The following H1-8 variants were observed in gnomAD, a reference collection of about 807,000 sequenced individuals.
The protein encoded by H1-8 is H1.8 linker histone, also known as histone H1.8.
In H1-8, 13 loss-of-function variants were observed where a neutral mutation model predicts 19.5. That is an observed-to-expected ratio of 0.67 (90% CI 0.43 to 1.06). H1-8 has a LOEUF of 1.06. Ranked by LOEUF, H1-8 falls within the 50% of genes least tolerant of loss-of-function variation. The probability of loss-of-function intolerance (pLI) is 0.00; values close to 1 mark genes in which losing one functional copy is unlikely to be tolerated. For missense variants in H1-8, 432 were observed against 459.8 expected (o/e 0.94, Z 0.55); for synonymous variants, 193 against 187.6 (o/e 1.03, Z -0.24).
At chr3:129,545,775 G>C (rs1301960663) in intron 1 of H1-8, among the ~76,000 whole-genome samples, 1 of 152,108 alleles carries the variant, frequency 6.6e-6, no homozygotes, top group Non-Finnish European at 1.5e-5. Context: ...TTGTATGGCT[G>C]GATAATATTC....
chr3:129,546,447 C>G (rs2084889435), intron 1 of H1-8, among the ~76,000 whole-genome samples: 2 of 152,244 alleles, frequency 1.3e-5, no homozygotes, highest in South Asian at 4.1e-4. Context: ...ACTCTTGTTT[C>G]ATCTGCTGGG....
chr3:129,543,996 G>A (rs931575154), intron 1 of H1-8, among the ~76,000 whole-genome samples: 1 of 152,186 alleles, frequency 6.6e-6, no homozygotes, highest in African/African-American at 2.4e-5. Context: ...AGGGAGATAG[G>A]GAGGGGGTCC....
intron 1 of H1-8, among the ~76,000 whole-genome samples, 159 bp downstream of exon 1, chr3:129,543,465 G>A (rs908273100): frequency 6.6e-6 from 1 of 152,240 alleles, no homozygotes. Flanking sequence ...CACCCACCCA[G>A]CACCAAGCTG....
Position 129,549,054 on chromosome 3 carries a change from G to A in H1-8, c.432G>A (p.Thr144=), listed in dbSNP as rs755951860. The A allele has an allele frequency of 2.5e-5, 41 of 1,612,704 alleles. No homozygotes were observed. The highest frequency in any genetic ancestry group is 1.1e-4 in the South Asian group (10 of 90,964). Reference sequence around the variant, plus strand: ...AGCCCAGGAAGATGGCCCCCGCGACGGCTCCCAGGAGAGCGGGTGAGGCCA... The same window carrying A: ...AGCCCAGGAAGATGGCCCCCGCGACAGCTCCCAGGAGAGCGGGTGAGGCCA... The part of the protein sequence containing the change: ...KIQPRKMAPA[T]APRRAGEAKG... Residue 144 remains threonine (T), a synonymous_variant, in exon 3 of 5, where the codon ACG becomes ACA. Transcript: ENST00000324382.
Position 129,547,409 on chromosome 3 carries a change from TC to T in H1-8, c.110del (p.Pro37HisfsTer61). ...SEKPGPSHGGVPPGGPSHSSL... is the reference protein window; with the variant it reads ...SEKPGPSHGGXPPGGPSHSSL... ...TCCTCAGGCCCGAGCCACGGCGGTG[TC>T]CCACCAGGAGGCCCGAGCCACAGCA... On this transcript the variant is annotated frameshift_variant, in exon 2 of 5. Coordinates refer to ENST00000324382, the MANE Select transcript of H1-8 (RefSeq NM_153833.3). LOFTEE classifies it high-confidence loss of function. 7.1e-7 allele frequency: 1 copy of T among 1,414,926 alleles called. No homozygotes were observed. The highest frequency in any genetic ancestry group is 9.3e-7 in the Non-Finnish European group (1 of 1,073,924). The allele number at this position is 1,414,926 out of a possible 1,614,324, so 87.6% of individuals were successfully genotyped here.
intron 1 of H1-8, among the ~76,000 whole-genome samples, chr3:129,544,817 C>T (rs185529768): frequency 4.6e-5 from 7 of 152,054 alleles, no homozygotes; most frequent in East Asian, 1.9e-4. Flanking sequence ...TAGAGGCCCC[C>T]GTCCCCACTG....
At chr3:129,545,919 C>T (rs905239900) in intron 1 of H1-8, among the ~76,000 whole-genome samples, 1 of 152,008 alleles carries the variant, frequency 6.6e-6, no homozygotes, top group Non-Finnish European at 1.5e-5. Flanking sequence ...TTTGTGTGGA[C>T]ATGCGTTTTC....
In H1-8 at chr3:129,545,049, T is replaced by G. The variant is rs562549721; in HGVS notation, c.88+1743T>G. ...TTTTTTTTTTCTATTGAAAAAAAAT[T>G]TTAATATAGCCAATTTTTTTTTTTT... On this transcript the variant is annotated intron_variant, in intron 1 of 4. Transcript: ENST00000324382. 4.3e-4 allele frequency among the ~76,000 whole-genome samples: 66 copies of G among 151,836 alleles called. 1 individual carries two copies. Among genetic ancestry groups the G allele is most frequent in the African/African-American group, 1.5e-3 (61 of 41,334 alleles).
intron 1 of H1-8, among the ~76,000 whole-genome samples, chr3:129,546,243 G>C (rs533878367): frequency 4.4e-4 from 67 of 152,190 alleles, no homozygotes; most frequent in African/African-American, 1.5e-3. Flanking sequence ...AGGATCACTT[G>C]AGCTGGAGAG....
intron 1 of H1-8, 72 bp from the exon 2 acceptor site, chr3:129,547,319 C>G (rs2713617): frequency 0.15 from 220,012 of 1,423,626 alleles, 25,582 homozygotes; most frequent in East Asian, 0.58. Context: ...TCACCCACCC[C>G]CCACGGGCCA....
In H1-8 at chr3:129,547,424, C is replaced by G. The variant is rs553923840; in HGVS notation, c.122C>G (p.Pro41Arg). 4 of 1,527,060 alleles carry G rather than the reference C, an allele frequency of 2.6e-6. No individual in the cohort carries two copies. Among genetic ancestry groups the G allele is most frequent in the Admixed American group, 4.5e-5 (2 of 44,860 alleles). 94.6% of individuals were successfully genotyped at this position (1,527,060 alleles called of 1,614,324 possible). A position where few individuals can be genotyped will look rare whatever the true frequency, so the allele number is the denominator to read the frequency against. ...CACGGCGGTGTCCCACCAGGAGGCC[C>G]GAGCCACAGCAGCCTCCCGGTGGGA... is the stretch of plus-strand genomic sequence containing the variant. ...PSHGGVPPGG[P>R]SHSSLPVGRR... Residue 41 changes from proline (P) to arginine (R), a missense_variant, in exon 2 of 5, where the codon CCG becomes CGG. Coordinates refer to ENST00000324382, the MANE Select transcript of H1-8 (RefSeq NM_153833.3).
chr3:129,546,153 AATAATG>A (rs58848844), intron 1 of H1-8, among the ~76,000 whole-genome samples: 3,627 of 142,698 alleles, frequency 0.025, 134 homozygotes, highest in African/African-American at 0.089. Flanking sequence ...TAATAATAAT[AATAATG>A]ATAATAATAC....
rs1048337837 is a variant in H1-8, at chr3:129,548,518, G to A, written c.379-483G>A. The stretch of plus-strand genomic sequence containing the variant: ...GTGATGGGGAGCCCTGAGGGTTGGG[G>A]GACAGGAAAGAAACAGCTTGCCAGG... On this transcript the variant is annotated intron_variant, in intron 2 of 4. Transcript: ENST00000324382. The A allele has an allele frequency of 1.7e-5, 17 of 989,716 alleles. No individual in the cohort carries two copies. In the African/African-American group the frequency reaches 2.8e-4, roughly 16 times the overall value. The allele number at this position is 989,716 out of a possible 1,614,324, so 61.3% of individuals were successfully genotyped here.
intron 1 of H1-8, among the ~76,000 whole-genome samples, chr3:129,546,332 A>G (rs1275436411): frequency 6.6e-6 from 1 of 151,968 alleles, no homozygotes; most frequent in African/African-American, 2.4e-5. Context: ...TCCATAAAAC[A>G]AAACAAAAAA....
intron 1 of H1-8, 36 bp downstream of exon 1, chr3:129,543,342 C>G (rs773066574): frequency 4.7e-6 from 7 of 1,490,462 alleles, no homozygotes; most frequent in Admixed American, 3.5e-5. Context: ...CTCATCCCTG[C>G]GAGCCCACTC....
rs773474049 is a variant in H1-8 at position 129,551,286 on chromosome 3, G to A, written c.987G>A (p.Gly329=). 2.5e-6 allele frequency: 4 copies of A among 1,613,942 alleles called. No individual in the cohort carries two copies. Among genetic ancestry groups the A allele is most frequent in the African/African-American group, 2.7e-5 (2 of 74,956 alleles). The part of the protein sequence containing the change: ...TEAPKGPRKA[G]LPIKASSSKV... ...CCCCCAAGGGCCCTAGAAAGGCTGG[G>A]CTGCCCATCAAGGCCTCATCATCCA... is the stretch of plus-strand genomic sequence containing the variant. Residue 329 remains glycine (G), a synonymous_variant, in exon 5 of 5, where the codon GGG becomes GGA. Transcript: ENST00000324382.
intron 1 of H1-8, among the ~76,000 whole-genome samples, 157 bp downstream of exon 1, chr3:129,543,463 C>T (rs983815719): frequency 2.0e-5 from 3 of 152,214 alleles, no homozygotes; most frequent in Non-Finnish European, 4.4e-5. Flanking sequence ...AGCACCCACC[C>T]AGCACCAAGC....
intron 2 of H1-8, chr3:129,548,273 T>C: frequency 1.1e-6 from 1 of 944,078 alleles, no homozygotes; most frequent in Non-Finnish European, 1.3e-6. Context: ...TGCCATGGAA[T>C]GCTGGGGAAC....
intron 3 of H1-8, among the ~76,000 whole-genome samples, chr3:129,550,416 TA>T (rs2084924815): frequency 6.6e-6 from 1 of 152,046 alleles, no homozygotes; most frequent in Admixed American, 6.5e-5. Context: ...TAAAAAAAAG[TA>T]TCCTGGCTGC....
Sources: gnomAD v4.1 joint callset for allele counts (sites outside exome capture counted in the v4.1 genomes callset) on GRCh38, gnomAD v4.1.1 for gene constraint, MANE v1.5 for transcripts, NCBI Gene and HGNC (gene_info 2026-07-23, HGNC 2026-07-21) for gene names.